Variants in HDC observed in about 807,000 individuals in gnomAD.
HDC encodes the protein histidine decarboxylase.
HDC carries 27 observed loss-of-function variants against 64.4 expected under a neutral mutation model. The observed-to-expected ratio is 0.42, with a 90% CI of 0.31 to 0.58. The LOEUF (loss-of-function observed/expected upper bound fraction) is 0.58. Among genes scored for constraint, HDC ranks in the 20% least tolerant of loss-of-function variants. The probability of loss-of-function intolerance (pLI) is 0.16; values close to 1 mark genes in which losing one functional copy is unlikely to be tolerated. For missense variants in HDC, 711 were observed against 833.9 expected (o/e 0.85, Z 1.81); for synonymous variants, 305 against 314.2 (o/e 0.97, Z 0.31).
chr15:50,248,088 A>G lies in HDC; in HGVS notation c.1140+157T>C, dbSNP rs1408321583. Among the ~76,000 whole-genome samples the G allele has an allele frequency of 6.6e-6, 1 of 152,214 alleles. No individual in the cohort carries two copies. The highest frequency in any genetic ancestry group is 1.5e-5 in the Non-Finnish European group (1 of 68,038). On this transcript the variant is annotated intron_variant, in intron 10 of 11. Transcript: ENST00000267845. The surrounding 1 kb of genome is among the most constrained non-coding windows in gnomAD (Gnocchi z 4.3). ...TGTGCTCAGCGCTCCTCTGGTTAAC[A>G]AAGAGAATCAAGTCCCAGGAGCTGA...
Position 50,242,509 on chromosome 15 carries a change from CT to C in HDC, c.1739del (p.Lys580ArgfsTer13). 2 of 1,614,186 alleles carry C rather than the reference CT, an allele frequency of 1.2e-6. No homozygotes were observed. Among genetic ancestry groups the C allele is most frequent in the Non-Finnish European group, 1.7e-6 (2 of 1,180,016 alleles). ...TGTTGCAACTGAGGGAGCGCACCGT[CT>C]TCTTCTTAGTCTGCACAGACAAGTA... ...FSYLSVQTKKKTVRSLSCNSV... is the reference protein window; with the variant it reads ...FSYLSVQTKKXTVRSLSCNSV... On this transcript the variant is annotated frameshift_variant, in exon 12 of 12. Coordinates refer to ENST00000267845, the MANE Select transcript of HDC (RefSeq NM_002112.4). LOFTEE classifies it high-confidence loss of function.
chr15:50,262,605 A>T (rs2045718445), intron 2 of HDC, among the ~76,000 whole-genome samples: 1 of 152,114 alleles, frequency 6.6e-6, no homozygotes, highest in Non-Finnish European at 1.5e-5. Context: ...CCCAGGCTGC[A>T]CCCTCCATCA....
rs751474557 is a variant in HDC at position 50,265,595 on chromosome 15, C to G, written c.29G>C (p.Arg10Thr). 2.5e-6 allele frequency: 4 copies of G among 1,613,854 alleles called. No individual in the cohort carries two copies. In the South Asian group the frequency reaches 4.4e-5, roughly 18 times the overall value. The change falls in exon 1 of 12, where the codon AGA becomes ACA. Residue 10 changes from arginine to threonine, a missense_variant and splice_region_variant. Transcript: ENST00000267845. ...GGCCAGGGATGCCCGTTGCTCACCT[C>G]TCTCTCTGTACTCCTCAGGCTCCAT... MMEPEEYRE[R>T]GREMVDYICQ... is the part of the protein sequence containing the mutation.
At chr15:50,260,802 C>G (rs954292745) in intron 2 of HDC, among the ~76,000 whole-genome samples, 2 of 152,174 alleles carry the variant, frequency 1.3e-5, no homozygotes, top group Non-Finnish European at 2.9e-5. Flanking sequence ...CCCAGACACC[C>G]GAGCAGGGTG....
intron 2 of HDC, among the ~76,000 whole-genome samples, chr15:50,260,300 C>T (rs2045685891): frequency 2.0e-5 from 3 of 152,130 alleles, no homozygotes; most frequent in South Asian, 4.1e-4. Context: ...GGATTACAGG[C>T]ATGCACCACT....
intron 7 of HDC, 48 bp from the exon 8 acceptor site, chr15:50,252,822 A>G: frequency 6.4e-7 from 1 of 1,570,532 alleles, no homozygotes; most frequent in South Asian, 1.1e-5. Context: ...TGAAGTGGGG[A>G]AAGATGTCTC....
chr15:50,250,337 G>A (rs1469031379), intron 9 of HDC, among the ~76,000 whole-genome samples: 1 of 152,176 alleles, frequency 6.6e-6, no homozygotes, highest in Non-Finnish European at 1.5e-5. Flanking sequence ...CACTTTTCTA[G>A]GAGTTTCTTC....
At chr15:50,257,377 T>G in intron 4 of HDC, 48 bp downstream of exon 4, 2 of 1,613,542 alleles carry the variant, frequency 1.2e-6, no homozygotes, top group Non-Finnish European at 8.5e-7. Flanking sequence ...TGGCTTGTCT[T>G]TCGCTACTTA....
At chr15:50,264,982 A>C (rs1464931467) in intron 1 of HDC, among the ~76,000 whole-genome samples, 1 of 152,234 alleles carries the variant, frequency 6.6e-6, no homozygotes, top group East Asian at 1.9e-4. Context: ...AAGCTAACGC[A>C]CACTAATTAG....
intron 4 of HDC, among the ~76,000 whole-genome samples, chr15:50,257,152 T>TTAAA (rs1410627033): frequency 2.6e-5 from 4 of 152,216 alleles, no homozygotes; most frequent in African/African-American, 9.7e-5. Flanking sequence ...AATTGTCAGA[T>TTAAA]TATAGACTAA....
chr15:50,259,829 T>G (rs2045679755), intron 2 of HDC, among the ~76,000 whole-genome samples: 1 of 152,154 alleles, frequency 6.6e-6, no homozygotes. Flanking sequence ...CACACATACT[T>G]AGAGTCCTTC....
At chr15:50,256,690 T>C (rs2045637101) in intron 4 of HDC, among the ~76,000 whole-genome samples, 1 of 152,214 alleles carries the variant, frequency 6.6e-6, no homozygotes, top group African/African-American at 2.4e-5. Flanking sequence ...CCAGCCACGA[T>C]TTTTATTTAA....
In HDC at chr15:50,243,023, G is replaced by A. The variant is rs1409941510; in HGVS notation, c.1243-17C>T. On this transcript the variant is annotated splice_polypyrimidine_tract_variant and intron_variant, in intron 11 of 11. Transcript: ENST00000267845. Reference sequence around the variant, plus strand: ...ATTAGGACCCTGTTTGAAAAATAAAGGAAGTGAAGTCTCCATCGCACCCCC... The same window carrying A: ...ATTAGGACCCTGTTTGAAAAATAAAAGAAGTGAAGTCTCCATCGCACCCCC... 6.2e-7 allele frequency: 1 copy of A among 1,614,110 alleles called. No homozygotes were observed. Among genetic ancestry groups the A allele is most frequent in the Admixed American group, 1.7e-5 (1 of 60,024 alleles).
At position 50,252,760 on chromosome 15, in the gene HDC, G is replaced by T; in HGVS notation, c.802C>A (p.Leu268Met). The change falls in exon 8 of 12, where the codon CTG becomes ATG. Residue 268 changes from leucine to methionine, a missense_variant. This residue lies in a region of HDC where 483 missense variants were observed against 540.9 expected (regional missense o/e 0.89). Coordinates refer to ENST00000267845, the MANE Select transcript of HDC (RefSeq NM_002112.4). ...ELGPICAREG[L>M]WLHIDAAYAG... ...TAAGCAGCATCGATGTGGAGCCACA[G>T]CCCCTCACGGGCACCTGAGGAGGCA... The T allele has an allele frequency of 6.2e-7, 1 of 1,613,412 alleles. No individual in the cohort carries two copies. Among genetic ancestry groups the T allele is most frequent in the Non-Finnish European group, 8.5e-7 (1 of 1,179,706 alleles).
chr15:50,265,540 C>T (rs1228053124), intron 1 of HDC, 53 bp downstream of exon 1: 32 of 1,550,132 alleles, frequency 2.1e-5, no homozygotes, highest in Non-Finnish European at 2.4e-5. Flanking sequence ...CACCAGCAGC[C>T]GTTCCTGCAG....
intron 4 of HDC, 104 bp from the exon 5 acceptor site, chr15:50,254,768 C>CTG (rs2045608395): frequency 2.9e-6 from 3 of 1,017,128 alleles, no homozygotes; most frequent in Non-Finnish European, 4.4e-6. Flanking sequence ...CTCTCTCTCT[C>CTG]TCTCTCTCTG....
At chr15:50,243,462 CGA>C (rs754229167) in intron 10 of HDC, among the ~76,000 whole-genome samples, 6 of 152,344 alleles carry the variant, frequency 3.9e-5, no homozygotes, top group Non-Finnish European at 8.8e-5. Context: ...GGATCCACCT[CGA>C]GAACTCATCT....
intron 2 of HDC, among the ~76,000 whole-genome samples, chr15:50,262,110 T>A (rs1213462841): frequency 6.6e-6 from 1 of 151,918 alleles, no homozygotes; most frequent in Non-Finnish European, 1.5e-5. Context: ...AGAACACAAA[T>A]GCCCCAAGCA....
At chr15:50,264,273 G>A (rs1425483379) in intron 1 of HDC, among the ~76,000 whole-genome samples, 1 of 152,074 alleles carries the variant, frequency 6.6e-6, no homozygotes, top group East Asian at 1.9e-4. Flanking sequence ...TAAAACTGTA[G>A]GCTTACATAT....
Sources: allele counts gnomAD v4.1 joint callset (sites outside exome capture counted in the v4.1 genomes callset), GRCh38; gene constraint gnomAD v4.1.1; regional missense constraint gnomAD v4.1.1; non-coding constraint Gnocchi (gnomAD v3.1); transcripts MANE v1.5; gene names NCBI Gene and HGNC (gene_info 2026-07-23, HGNC 2026-07-21).